Variants in ST3GAL5 observed in about 807,000 individuals in gnomAD.
The protein encoded by ST3GAL5 is lactosylceramide alpha-2,3-sialyltransferase.
Under a neutral mutation model 46.1 loss-of-function variants are expected in ST3GAL5, and 25 were observed. The observed-to-expected ratio is 0.54, with a 90% confidence interval of 0.40 to 0.76. The LOEUF is 0.76. ST3GAL5 is among the 30% of genes least tolerant of loss of function. The pLI, the probability that ST3GAL5 is intolerant of heterozygous loss-of-function variation, is 0.00. For synonymous variants in ST3GAL5, 182 were observed against 192.7 expected (o/e 0.94, Z 0.46); for missense variants, 431 against 521.2 (o/e 0.83, Z 1.69).
chr2:85,839,758 G>T lies in ST3GAL5; in HGVS notation c.*386C>A. The T allele has an allele frequency of 3.0e-6, 1 of 333,102 alleles. No homozygotes were observed. Among genetic ancestry groups the T allele is most frequent in the Non-Finnish European group, 5.8e-6 (1 of 172,178 alleles). The allele number at this position is 333,102 out of a possible 1,614,324, so 20.6% of individuals were successfully genotyped here. A position where few individuals can be genotyped will look rare whatever the true frequency, so the allele number is the denominator to read the frequency against. On this transcript the variant is annotated 3_prime_UTR_variant, in exon 7 of 7. Transcript: ENST00000638572. ...CAGCAGGGAACCAGAATGAGGTTCAGGGCCACCATCAAAAGAGTGACCTCC... is the reference window on the plus strand; with the variant it reads ...CAGCAGGGAACCAGAATGAGGTTCATGGCCACCATCAAAAGAGTGACCTCC...
intron 1 of ST3GAL5, among the ~76,000 whole-genome samples, chr2:85,874,378 G>T (rs1292779513): frequency 6.6e-6 from 1 of 152,140 alleles, no homozygotes; most frequent in African/African-American, 2.4e-5. Flanking sequence ...GATGTCAAGA[G>T]GGCAGTTACT....
chr2:85,861,349 A>AT, intron 2 of ST3GAL5, 57 bp from the exon 3 acceptor site: 2 of 1,144,236 alleles, frequency 1.7e-6, no homozygotes, highest in Non-Finnish European at 2.7e-6. Flanking sequence ...ATGAGATGCA[A>AT]TGTGAAACTG....
At chr2:85,867,221 C>T (rs546205888) in intron 1 of ST3GAL5, among the ~76,000 whole-genome samples, 16 of 152,262 alleles carry the variant, frequency 1.1e-4, no homozygotes, top group Non-Finnish European at 1.8e-4. Flanking sequence ...CTCTACAGTC[C>T]TTAAGATCTT....
intron 1 of ST3GAL5, among the ~76,000 whole-genome samples, chr2:85,873,497 C>T (rs1686182063): frequency 6.6e-6 from 1 of 152,182 alleles, no homozygotes; most frequent in South Asian, 2.1e-4. Context: ...TACTGAGGGG[C>T]TACCACAGCA....
At position 85,848,003 on chromosome 2, in the gene ST3GAL5, G is replaced by A. The variant is rs1683017585; in HGVS notation, c.520C>T (p.Leu174Phe). ...FRKFSSKVQTLLELLPEHDLP... is the reference protein window; with the variant it reads ...FRKFSSKVQTFLELLPEHDLP... ...TCGTGCTCTGGCAAGAGTTCCAAGA[G>A]GGTCTGGACTTTACTGGAGAACTTC... Residue 174 changes from leucine (L) to phenylalanine (F), a missense_variant, in exon 4 of 7, where the codon CTC becomes TTC. By Grantham distance (22) the Leu-to-Phe change is conservative. Coordinates refer to ENST00000638572, the MANE Select transcript of ST3GAL5 (RefSeq NM_003896.4). 6.2e-7 allele frequency: 1 copy of A among 1,614,068 alleles called. No homozygotes were observed. Among genetic ancestry groups the A allele is most frequent in the Non-Finnish European group, 8.5e-7 (1 of 1,180,048 alleles).
chr2:85,837,759 C>G lies in ST3GAL5; in HGVS notation c.*2385G>C, dbSNP rs1401202215. ...CCTAAAACTGAAATTTTCTGCAGCT[C>G]AAAGTTCTAGAAGCATGTTAAAATA... On this transcript the variant is annotated 3_prime_UTR_variant, in exon 7 of 7. Coordinates refer to ENST00000638572, the MANE Select transcript of ST3GAL5 (RefSeq NM_003896.4). 4 of 152,142 alleles carry G rather than the reference C, an allele frequency of 2.6e-5. No individual in the cohort carries two copies. Among genetic ancestry groups the G allele is most frequent in the African/African-American group, 9.7e-5 (4 of 41,424 alleles). The allele number at this position is 152,142 out of a possible 1,614,324, so 9.4% of individuals were successfully genotyped here.
intron 3 of ST3GAL5, chr2:85,848,973 G>A (rs1265607994): frequency 6.5e-6 from 1 of 152,736 alleles, no homozygotes; most frequent in African/African-American, 2.4e-5. Context: ...AAGAATCAGG[G>A]AATGTCCCCT....
chr2:85,885,597 G>A (rs1256208297), intron 1 of ST3GAL5, among the ~76,000 whole-genome samples: 2 of 152,058 alleles, frequency 1.3e-5, no homozygotes, highest in Non-Finnish European at 2.9e-5. Flanking sequence ...GGGAGGCCGA[G>A]GTGGGCGGAT....
chr2:85,887,557 T>A (rs2104272666), intron 1 of ST3GAL5: 1 of 152,398 alleles, frequency 6.6e-6, no homozygotes, highest in South Asian at 2.1e-4. Flanking sequence ...GCAGTTCGTA[T>A]GAATCTCTCC....
chr2:85,840,271 CT>C lies in ST3GAL5; in HGVS notation c.1129del (p.Ser377ValfsTer7). 6.2e-7 allele frequency: 1 copy of C among 1,614,192 alleles called. No homozygotes were observed. Among genetic ancestry groups the C allele is most frequent in the Non-Finnish European group, 8.5e-7 (1 of 1,180,046 alleles). The part of the protein sequence containing the change: ...QPRTPLHYFD[S>X]QCMAAMNFQT... ...AAAGTTCATAGCAGCCATGCATTGACTGTCGAAGTAGTGCAAAGGTGTTCTG... is the reference window on the plus strand; with the variant it reads ...AAAGTTCATAGCAGCCATGCATTGACGTCGAAGTAGTGCAAAGGTGTTCTG... On this transcript the variant is annotated frameshift_variant, in exon 7 of 7. Coordinates refer to ENST00000638572, the MANE Select transcript of ST3GAL5 (RefSeq NM_003896.4). LOFTEE classifies it high-confidence loss of function.
intron 1 of ST3GAL5, chr2:85,887,629 C>G (rs1443418588): frequency 6.6e-6 from 1 of 152,252 alleles, no homozygotes; most frequent in African/African-American, 2.4e-5. Flanking sequence ...ATGTTAGACA[C>G]TCCTCGAAGC....
intron 1 of ST3GAL5, chr2:85,880,871 G>A (rs1687070783): frequency 1.9e-6 from 1 of 514,666 alleles, no homozygotes; most frequent in African/African-American, 1.9e-5. Context: ...AAATAGACAA[G>A]TAGGTCTATT....
At chr2:85,852,746 G>GAA in intron 3 of ST3GAL5, 1 of 555,556 alleles carries the variant, frequency 1.8e-6, no homozygotes, top group Non-Finnish European at 2.9e-6. Flanking sequence ...TCAACTGTTA[G>GAA]AAAAAAAAAT....
rs1416593583 is a variant in ST3GAL5, at chr2:85,871,791, G to A, written c.83-8306C>T. Among the ~76,000 whole-genome samples the A allele has an allele frequency of 1.2e-4, 19 of 152,174 alleles. 1 individual carries two copies. Among genetic ancestry groups the A allele is most frequent in the Admixed American group, 1.2e-3 (19 of 15,282 alleles). ...GACCTGGAACAAGAGGAGGGTATTT[G>A]TAATGTCGGGAGGGGGCTGCTTTCT... On this transcript the variant is annotated intron_variant, in intron 1 of 6. Transcript: ENST00000638572.
Position 85,838,650 on chromosome 2 carries a change from C to G in ST3GAL5, c.*1494G>C, listed in dbSNP as rs1370840088. 6.6e-6 allele frequency: 1 copy of G among 152,330 alleles called. No homozygotes were observed. The highest frequency in any genetic ancestry group is 1.5e-5 in the Non-Finnish European group (1 of 68,054). The allele number at this position is 152,330 out of a possible 1,614,324, so 9.4% of individuals were successfully genotyped here. A position where few individuals can be genotyped will look rare whatever the true frequency, so the allele number is the denominator to read the frequency against. ...GAGCTGGATCCCAGACCCCAGGAGACAGAAGGGACTCTGCTTTGAATGCTA... is the reference window on the plus strand; with the variant it reads ...GAGCTGGATCCCAGACCCCAGGAGAGAGAAGGGACTCTGCTTTGAATGCTA... On this transcript the variant is annotated 3_prime_UTR_variant, in exon 7 of 7. Coordinates refer to ENST00000638572, the MANE Select transcript of ST3GAL5 (RefSeq NM_003896.4).
At chr2:85,856,854 A>T (rs540294223) in intron 3 of ST3GAL5, among the ~76,000 whole-genome samples, 1 of 151,496 alleles carries the variant, frequency 6.6e-6, no homozygotes, top group South Asian at 2.1e-4. Flanking sequence ...TATAGACAGG[A>T]GCCACCATGC....
intron 3 of ST3GAL5, chr2:85,860,872 C>A: frequency 6.4e-6 from 2 of 312,378 alleles, no homozygotes; most frequent in South Asian, 3.5e-5. Context: ...GAAAGAATTT[C>A]TTTGTTGTTT....
At chr2:85,866,640 A>T (rs1685314797) in intron 1 of ST3GAL5, among the ~76,000 whole-genome samples, 1 of 152,190 alleles carries the variant, frequency 6.6e-6, no homozygotes, top group African/African-American at 2.4e-5. Flanking sequence ...TTTCATCCTT[A>T]AACCCAGCTC....
chr2:85,846,540 C>A lies in ST3GAL5; in HGVS notation c.686G>T (p.Gly229Val), dbSNP rs1558650938. ...TTTATTTCCAACATGTTCTGAATAT[C>A]CCTCAACTGGTGCACTGTTTAACCT... ...VIRLNSAPVEGYSEHVGNKTT... is the reference protein window; with the variant it reads ...VIRLNSAPVEVYSEHVGNKTT... The change falls in exon 5 of 7, where the codon GGA becomes GTA. Residue 229 changes from glycine to valine, a missense_variant. By Grantham distance (109) the Gly-to-Val change is moderately radical (BLOSUM62 -3). Coordinates refer to ENST00000638572, the MANE Select transcript of ST3GAL5 (RefSeq NM_003896.4). 2.5e-6 allele frequency: 4 copies of A among 1,614,146 alleles called. No homozygotes were observed. Among genetic ancestry groups the A allele is most frequent in the Non-Finnish European group, 3.4e-6 (4 of 1,180,030 alleles).
Sources: allele counts gnomAD v4.1 joint callset (sites outside exome capture counted in the v4.1 genomes callset), GRCh38; gene constraint gnomAD v4.1.1; transcripts MANE v1.5; gene names NCBI Gene and HGNC (gene_info 2026-07-23, HGNC 2026-07-21).